The following PBRM1 variants were observed in gnomAD, a reference collection of about 807,000 sequenced individuals.
The protein encoded by PBRM1 is polybromo 1.
In PBRM1, 27 loss-of-function variants were observed where a neutral mutation model predicts 194.5. That is an observed-to-expected ratio of 0.14 (90% CI 0.10 to 0.19). PBRM1 has a LOEUF of 0.19. PBRM1 is among the 10% of genes least tolerant of loss of function. The pLI, the probability that PBRM1 is intolerant of heterozygous loss-of-function variation, is 1.00. For synonymous variants in PBRM1, 655 were observed against 693.2 expected (o/e 0.94, Z 0.87); for missense variants, 1,466 against 2,077.2 (o/e 0.71, Z 5.72).
chr3:52,580,063 AG>A (rs2090698285), intron 20 of PBRM1, among the ~76,000 whole-genome samples: 1 of 152,176 alleles, frequency 6.6e-6, no homozygotes, highest in African/African-American at 2.4e-5. Flanking sequence ...CAATACAGTG[AG>A]ATCTCATTTC....
At chr3:52,680,285 T>C (rs2097181321), upstream of PBRM1, among the ~76,000 whole-genome samples, 1 of 152,204 alleles carries the variant, frequency 6.6e-6, no homozygotes, top group African/African-American at 2.4e-5. Flanking sequence ...TCTAGCACTT[T>C]AGATGTACTC....
chr3:52,579,385 A>C (rs2090511015), intron 20 of PBRM1, 186 bp from the exon 23 acceptor site: 1 of 604,890 alleles, frequency 1.7e-6, no homozygotes, highest in Non-Finnish European at 2.9e-6. Flanking sequence ...CAAGAGTTTG[A>C]GACCAGCTTG....
chr3:52,624,365 GGTT>G (rs1237416969), intron 13 of PBRM1, among the ~76,000 whole-genome samples: 1 of 152,176 alleles, frequency 6.6e-6, no homozygotes, highest in African/African-American at 2.4e-5. Context: ...TTATTACATA[GGTT>G]GTTTTCAAAT....
At chr3:52,560,009 G>A (rs2083124953) in intron 25 of PBRM1, among the ~76,000 whole-genome samples, 1 of 152,036 alleles carries the variant, frequency 6.6e-6, no homozygotes, top group South Asian at 2.1e-4. Flanking sequence ...TAAACTTTGG[G>A]CTTTGAATTC....
intron 13 of PBRM1, among the ~76,000 whole-genome samples, chr3:52,625,958 T>C (rs2095435551): frequency 6.6e-6 from 1 of 152,202 alleles, no homozygotes; most frequent in African/African-American, 2.4e-5. Context: ...CCTGGGCTAA[T>C]GCTTCGTTGG....
chr3:52,669,099 G>A (rs537454122), intron 2 of PBRM1, among the ~76,000 whole-genome samples: 4 of 152,242 alleles, frequency 2.6e-5, no homozygotes, highest in Admixed American at 6.5e-5. Context: ...TTTCTGCCAA[G>A]TACTATCAAA....
At chr3:52,572,659 A>G (rs1025729295) in intron 22 of PBRM1, among the ~76,000 whole-genome samples, 1 of 152,186 alleles carries the variant, frequency 6.6e-6, no homozygotes, top group Admixed American at 6.5e-5. Flanking sequence ...TATAGGCGTG[A>G]GCCATTGTGC....
chr3:52,636,809 G>A (rs577629979), intron 10 of PBRM1, among the ~76,000 whole-genome samples: 17 of 125,692 alleles, frequency 1.4e-4, no homozygotes, highest in African/African-American at 4.0e-4. Context: ...GCCAGGCGCA[G>A]TGACTCACAC....
exon 21 of PBRM1, chr3:52,579,183 G>A (rs2090444332): frequency 6.2e-7 from 1 of 1,613,852 alleles, no homozygotes; most frequent in Non-Finnish European, 8.5e-7. Context: ...CATTTCCACA[G>A]GGACATCTTC....
intron 22 of PBRM1, among the ~76,000 whole-genome samples, chr3:52,572,475 C>T (rs1220681187): frequency 6.6e-6 from 1 of 152,104 alleles, no homozygotes; most frequent in Non-Finnish European, 1.5e-5. Flanking sequence ...CAGGTTCTAG[C>T]GATTCTCCTC....
exon 14 of PBRM1, chr3:52,617,426 T>G: frequency 6.2e-7 from 1 of 1,614,044 alleles, no homozygotes; most frequent in Non-Finnish European, 8.5e-7. Flanking sequence ...TAGTCCTTTT[T>G]GGATGGTTTA....
chr3:52,644,789 C>T, exon 8 of PBRM1: 1 of 1,385,730 alleles, frequency 7.2e-7, no homozygotes, highest in Non-Finnish European at 1.0e-6. Context: ...GAATTTGCAT[C>T]CTGTCAAGAT....
At chr3:52,598,256 T>TA (rs1276873431) in intron 17 of PBRM1, among the ~76,000 whole-genome samples, 3 of 152,220 alleles carry the variant, frequency 2.0e-5, no homozygotes, top group African/African-American at 7.2e-5. Flanking sequence ...GGCAATAACT[T>TA]AGTGTTGTGC....
At chr3:52,585,185 A>C (rs1275661033) in intron 20 of PBRM1, among the ~76,000 whole-genome samples, 2 of 152,146 alleles carry the variant, frequency 1.3e-5, no homozygotes, top group Non-Finnish European at 2.9e-5. Flanking sequence ...ACTGAGTTGC[A>C]GTTTTTTGTT....
exon 4 of PBRM1, chr3:52,662,211 C>T (rs2096738672): frequency 6.2e-7 from 1 of 1,613,806 alleles, no homozygotes; most frequent in Middle Eastern, 1.6e-4. Flanking sequence ...TCTGAACAAA[C>T]TCATTTCTTG....
At chr3:52,600,964 T>A (rs907705164) in intron 17 of PBRM1, among the ~76,000 whole-genome samples, 16 of 152,228 alleles carry the variant, frequency 1.1e-4, no homozygotes, top group African/African-American at 3.1e-4. Context: ...CTGAAATCTA[T>A]TGCTAGAGAA....
At chr3:52,576,550 A>C (rs746915869) in exon 22 of PBRM1, 2 of 1,596,752 alleles carry the variant, frequency 1.3e-6, no homozygotes, top group African/African-American at 1.4e-5. Flanking sequence ...CCGAGAATAC[A>C]TGTCATGGGG....
intron 13 of PBRM1, among the ~76,000 whole-genome samples, chr3:52,622,965 C>G (rs1473059707): frequency 6.6e-6 from 1 of 152,182 alleles, no homozygotes; most frequent in Non-Finnish European, 1.5e-5. Context: ...CTCATTTAAT[C>G]TTCAAATTCA....
intron 21 of PBRM1, 28 bp from the exon 24 acceptor site, chr3:52,576,726 T>C (rs1339912287): frequency 6.5e-7 from 1 of 1,527,452 alleles, no homozygotes; most frequent in Non-Finnish European, 8.9e-7. Flanking sequence ...ATAAATTACA[T>C]TAAAATAGTT....
Sources: allele counts gnomAD v4.1 joint callset (sites outside exome capture counted in the v4.1 genomes callset), GRCh38; gene constraint gnomAD v4.1.1; transcripts MANE v1.5; gene names NCBI Gene and HGNC (gene_info 2026-07-23, HGNC 2026-07-21).